Variants in HS3ST4 observed in about 807,000 individuals in gnomAD.
The protein encoded by HS3ST4 is heparan sulfate-glucosamine 3-sulfotransferase 4.
HS3ST4 carries 17 observed loss-of-function variants against 29.2 expected under a neutral mutation model. The observed-to-expected ratio is 0.58, with a 90% CI of 0.40 to 0.87. The LOEUF (loss-of-function observed/expected upper bound fraction) is 0.87. Among genes scored for constraint, HS3ST4 ranks in the 40% least tolerant of loss-of-function variants. The pLI, the probability that HS3ST4 is intolerant of heterozygous loss-of-function variation, is 0.00. For missense variants in HS3ST4, 627 were observed against 634.5 expected (o/e 0.99, Z 0.13); for synonymous variants, 314 against 285.7 (o/e 1.10, Z -1.00).
At chr16:25,847,319 T>G (rs1398232369) in intron 1 of HS3ST4, among the ~76,000 whole-genome samples, 1 of 152,192 alleles carries the variant, frequency 6.6e-6, no homozygotes, top group Non-Finnish European at 1.5e-5. Context: ...TATTAATGCT[T>G]AGGAGAACTA....
chr16:25,797,010 A>C (rs1161041715), intron 1 of HS3ST4, among the ~76,000 whole-genome samples: 1 of 152,148 alleles, frequency 6.6e-6, no homozygotes, highest in Non-Finnish European at 1.5e-5. Flanking sequence ...CGGTCCAGAG[A>C]GAAGTCCTCC....
chr16:25,737,486 G>A (rs1251372991), intron 1 of HS3ST4, among the ~76,000 whole-genome samples: 4 of 152,108 alleles, frequency 2.6e-5, no homozygotes, highest in South Asian at 2.1e-4. Context: ...GAAACATCTC[G>A]TAAACAGAAA....
chr16:25,856,367 A>G (rs1339781188), intron 1 of HS3ST4, among the ~76,000 whole-genome samples: 1 of 152,084 alleles, frequency 6.6e-6, no homozygotes, highest in African/African-American at 2.4e-5. Context: ...GGGAGGGGAA[A>G]GGGGCTGGGA....
intron 1 of HS3ST4, among the ~76,000 whole-genome samples, chr16:25,955,535 T>G (rs952984736): frequency 8.5e-5 from 13 of 152,232 alleles, no homozygotes. Flanking sequence ...ATGATAGTTC[T>G]GCAAATATAT....
chr16:25,916,084 T>C (rs1968290382), intron 1 of HS3ST4, among the ~76,000 whole-genome samples: 1 of 152,212 alleles, frequency 6.6e-6, no homozygotes, highest in Non-Finnish European at 1.5e-5. Flanking sequence ...GCATCAGTTA[T>C]GTACCAGACA....
At chr16:25,959,937 C>G (rs1968777991) in intron 1 of HS3ST4, among the ~76,000 whole-genome samples, 7 of 152,000 alleles carry the variant, frequency 4.6e-5, no homozygotes, top group Admixed American at 4.6e-4. Context: ...GAGTTCCAGA[C>G]CAGCCTGGCC....
intron 1 of HS3ST4, among the ~76,000 whole-genome samples, chr16:25,773,840 T>C (rs1966845075): frequency 6.6e-6 from 1 of 152,172 alleles, no homozygotes; most frequent in Non-Finnish European, 1.5e-5. Context: ...ATTATACTAC[T>C]CTGTATGCCC....
intron 1 of HS3ST4, among the ~76,000 whole-genome samples, chr16:25,983,304 G>T (rs1436248710): frequency 6.6e-6 from 1 of 151,896 alleles, no homozygotes; most frequent in Admixed American, 6.6e-5. Flanking sequence ...AGCCCCCCTT[G>T]CTGAATATGA....
intron 1 of HS3ST4, among the ~76,000 whole-genome samples, chr16:25,913,186 G>A (rs928399561): frequency 3.9e-5 from 6 of 152,204 alleles, no homozygotes; most frequent in African/African-American, 9.7e-5. Context: ...ATAAATTCCC[G>A]GATACTGATG....
chr16:26,045,861 CTCTT>C (rs1226791108), intron 1 of HS3ST4, among the ~76,000 whole-genome samples: 5 of 152,124 alleles, frequency 3.3e-5, no homozygotes, highest in East Asian at 1.9e-4. Context: ...TATTTTAACT[CTCTT>C]TATTTTATTT....
At chr16:25,774,628 G>T (rs59784607) in intron 1 of HS3ST4, among the ~76,000 whole-genome samples, 7,950 of 152,290 alleles carry the variant, frequency 0.052, 270 homozygotes, top group East Asian at 0.15. Flanking sequence ...AAAAAGTGAG[G>T]ATAATAATAG....
chr16:25,902,742 G>A (rs548663031), intron 1 of HS3ST4, among the ~76,000 whole-genome samples: 4 of 151,660 alleles, frequency 2.6e-5, no homozygotes, highest in Admixed American at 1.3e-4. Context: ...CAATGTGGTG[G>A]TTCTAGGCAA....
chr16:25,883,760 G>GTAT (rs1967918347), intron 1 of HS3ST4, among the ~76,000 whole-genome samples: 2 of 152,090 alleles, frequency 1.3e-5, no homozygotes, highest in Non-Finnish European at 2.9e-5. Context: ...TTACCATTTT[G>GTAT]CAGATGGGAA....
At chr16:25,901,604 G>A (rs919482006) in intron 1 of HS3ST4, among the ~76,000 whole-genome samples, 17 of 152,162 alleles carry the variant, frequency 1.1e-4, no homozygotes, top group African/African-American at 4.1e-4. Flanking sequence ...AACCCAGGAG[G>A]CAGAGGTTGC....
chr16:25,867,235 A>G (rs1199932562), intron 1 of HS3ST4, among the ~76,000 whole-genome samples: 1 of 152,194 alleles, frequency 6.6e-6, no homozygotes, highest in Non-Finnish European at 1.5e-5. Flanking sequence ...CACTCTCTTT[A>G]GGAAATTCCC....
chr16:25,735,149 C>A (rs1402560810), intron 1 of HS3ST4, among the ~76,000 whole-genome samples: 1 of 152,202 alleles, frequency 6.6e-6, no homozygotes, highest in East Asian at 1.9e-4. Context: ...ACATGTCTAC[C>A]TGCCTGAATG....
chr16:25,994,358 C>A (rs1007336686), intron 1 of HS3ST4, among the ~76,000 whole-genome samples: 1 of 151,416 alleles, frequency 6.6e-6, no homozygotes, highest in African/African-American at 2.4e-5. Flanking sequence ...TTTATTTTTT[C>A]TATCTGATAA....
chr16:25,722,004 T>C (rs1596552865), intron 1 of HS3ST4, among the ~76,000 whole-genome samples: 2 of 152,286 alleles, frequency 1.3e-5, no homozygotes, highest in East Asian at 1.9e-4. Flanking sequence ...ATTTCTCTAG[T>C]GCACCCTATT....
At chr16:25,697,845 G>A (rs1162916401) in intron 1 of HS3ST4, among the ~76,000 whole-genome samples, 1 of 152,078 alleles carries the variant, frequency 6.6e-6, no homozygotes. Flanking sequence ...GCAAATTTTT[G>A]TATCTTTAGT....
Sources: gnomAD v4.1 joint callset for allele counts (sites outside exome capture counted in the v4.1 genomes callset) on GRCh38, gnomAD v4.1.1 for gene constraint, MANE v1.5 for transcripts, NCBI Gene and HGNC (gene_info 2026-07-23, HGNC 2026-07-21) for gene names.